VTI1A: variants seen among roughly 807,000 people sequenced by gnomAD.
VTI1A encodes the protein vesicle transport through interaction with t-SNAREs 1A, also known as vesicle transport through interaction with t-SNAREs homolog 1A.
A neutral mutation model predicts 34.9 loss-of-function variants in VTI1A; 22 were observed. The ratio of observed to expected loss-of-function variants is 0.63; its 90% CI spans 0.45 to 0.90. The LOEUF is 0.90. VTI1A is among the 40% of genes least tolerant of loss of function. VTI1A has a pLI of 0.00. For missense variants in VTI1A, 268 were observed against 275.6 expected, an observed-to-expected ratio of 0.97 and a Z score of 0.20; for synonymous variants, 87 against 97.3, an observed-to-expected ratio of 0.89 and a Z score of 0.62.
chr10:112,524,564 G>C (rs189945720), intron 3 of VTI1A, among the ~76,000 whole-genome samples: 30 of 152,216 alleles, frequency 2.0e-4, no homozygotes, highest in Non-Finnish European at 4.3e-4. Flanking sequence ...GTTCTCCTCT[G>C]TTGCTGAGCA....
intron 5 of VTI1A, among the ~76,000 whole-genome samples, chr10:112,558,857 T>C (rs1192978934): frequency 6.6e-6 from 1 of 152,228 alleles, no homozygotes; most frequent in Non-Finnish European, 1.5e-5. Context: ...CCTGTGATGA[T>C]GTGGTGACTG....
At chr10:112,850,842 A>G in the VTI1A span, among the ~76,000 whole-genome samples, 1 of 152,176 alleles carries the variant, frequency 6.6e-6, no homozygotes, top group Non-Finnish European at 1.5e-5. Context: ...TGCAGGTGGC[A>G]TGTCCATGAA....
chr10:112,642,756 C>G (rs1846621682), intron 5 of VTI1A, among the ~76,000 whole-genome samples: 1 of 151,996 alleles, frequency 6.6e-6, no homozygotes, highest in Non-Finnish European at 1.5e-5. Context: ...GTTAGTCATT[C>G]TTTAATAACT....
intron 7 of VTI1A, chr10:112,737,068 TTTTC>T: frequency 5.0e-6 from 2 of 400,212 alleles, no homozygotes; most frequent in Non-Finnish European, 4.5e-6. Context: ...TTTTCTTTTT[TTTTC>T]TTTTTCTTTT....
At chr10:112,524,632 G>A (rs1003040397) in intron 3 of VTI1A, among the ~76,000 whole-genome samples, 1 of 152,052 alleles carries the variant, frequency 6.6e-6, no homozygotes, top group East Asian at 1.9e-4. Context: ...AACAAGATTC[G>A]ATATTTAGGG....
chr10:112,764,069 C>T (rs909591623), intron 7 of VTI1A, among the ~76,000 whole-genome samples: 5 of 152,208 alleles, frequency 3.3e-5, no homozygotes, highest in African/African-American at 1.2e-4. Flanking sequence ...TCCCACATCC[C>T]TGGGAGTTGT....
intron 7 of VTI1A, among the ~76,000 whole-genome samples, chr10:112,706,011 C>T (rs3802554): frequency 0.18 from 27,387 of 152,064 alleles, 5,189 homozygotes; most frequent in African/African-American, 0.47. Context: ...ATCAATCTTC[C>T]ATCTTTTGTG....
intron 7 of VTI1A, among the ~76,000 whole-genome samples, chr10:112,799,174 G>A (rs566951627): frequency 1.3e-5 from 2 of 152,044 alleles, no homozygotes; most frequent in African/African-American, 4.8e-5. Flanking sequence ...GAGCCGCAGG[G>A]GTCAAGAGGG....
At chr10:112,599,832 G>T (rs1352495236) in intron 5 of VTI1A, among the ~76,000 whole-genome samples, 1 of 152,106 alleles carries the variant, frequency 6.6e-6, no homozygotes, top group Non-Finnish European at 1.5e-5. Context: ...TCTTGCCTCG[G>T]CTTCCCAAAG....
the VTI1A span, among the ~76,000 whole-genome samples, chr10:112,848,695 C>A: frequency 5.7e-4 from 87 of 152,246 alleles, no homozygotes; most frequent in African/African-American, 2.0e-3. Context: ...TGACCACAAC[C>A]AGAAAGGGAA....
chr10:112,551,459 T>TA lies in VTI1A; in HGVS notation c.427+13130dup, dbSNP rs142215094. On this transcript the variant is annotated intron_variant, in intron 5 of 7. Transcript: ENST00000393077. ...TTGATCTCTGCTATAGCAAGAAAAA[T>TA]ACTGCCTTACATTATTATTATTGGC... Among the ~76,000 whole-genome samples, 1,104 of 152,192 alleles carry TA rather than the reference T, an allele frequency of 7.3e-3. 6 individuals are homozygous for TA. Among genetic ancestry groups the TA allele is most frequent in the Non-Finnish European group, 0.012 (836 of 68,006 alleles).
intron 7 of VTI1A, among the ~76,000 whole-genome samples, chr10:112,776,631 A>G (rs1289222641): frequency 6.6e-6 from 1 of 151,388 alleles, no homozygotes; most frequent in African/African-American, 2.4e-5. Flanking sequence ...AAGAAGCCAC[A>G]TTATTATAAT....
intron 5 of VTI1A, among the ~76,000 whole-genome samples, chr10:112,607,332 G>C (rs1845123219): frequency 6.6e-6 from 1 of 151,798 alleles, no homozygotes; most frequent in Admixed American, 6.6e-5. Flanking sequence ...TTGAGTGGCT[G>C]TCCAAGACCA....
chr10:112,577,146 A>G (rs1386015543), intron 5 of VTI1A, among the ~76,000 whole-genome samples: 1 of 152,134 alleles, frequency 6.6e-6, no homozygotes, highest in Non-Finnish European at 1.5e-5. Context: ...GTGGGGAGAG[A>G]GCTCTGATCT....
intron 5 of VTI1A, among the ~76,000 whole-genome samples, chr10:112,648,963 A>C (rs1297223258): frequency 1.3e-5 from 2 of 152,144 alleles, no homozygotes; most frequent in Non-Finnish European, 2.9e-5. Context: ...GTATTAACAA[A>C]TATTTTATTT....
At chr10:112,752,650 G>A in intron 7 of VTI1A, 4 of 851,100 alleles carry the variant, frequency 4.7e-6, no homozygotes, top group Non-Finnish European at 5.7e-6. Flanking sequence ...TTAGCTAGGT[G>A]AAGAACAGCT....
At chr10:112,623,351 A>T (rs1845799220) in intron 5 of VTI1A, among the ~76,000 whole-genome samples, 1 of 152,124 alleles carries the variant, frequency 6.6e-6, no homozygotes, top group Non-Finnish European at 1.5e-5. Flanking sequence ...CCATTTTATT[A>T]GAGTAGCCCC....
intron 7 of VTI1A, among the ~76,000 whole-genome samples, chr10:112,800,316 C>A (rs556121768): frequency 6.6e-6 from 1 of 152,314 alleles, no homozygotes; most frequent in Non-Finnish European, 1.5e-5. Context: ...CCAAGCTAAT[C>A]AGGACCAAGG....
At chr10:112,521,109 T>A (rs1014491188) in intron 3 of VTI1A, among the ~76,000 whole-genome samples, 11 of 152,056 alleles carry the variant, frequency 7.2e-5, no homozygotes, top group African/African-American at 2.4e-4. Context: ...ATGTGCACCT[T>A]CCAGCGAATG....
Sources: allele counts gnomAD v4.1 joint callset (sites outside exome capture counted in the v4.1 genomes callset), GRCh38; gene constraint gnomAD v4.1.1; transcripts MANE v1.5; gene names NCBI Gene and HGNC (gene_info 2026-07-23, HGNC 2026-07-21).